TTC21B: variants seen among roughly 807,000 people sequenced by gnomAD.
TTC21B encodes tetratricopeptide repeat protein 21B.
Under a neutral mutation model 175.1 loss-of-function variants are expected in TTC21B, and 127 were observed. The ratio of observed to expected loss-of-function variants is 0.73; its 90% CI spans 0.63 to 0.84. The LOEUF (loss-of-function observed/expected upper bound fraction) is 0.84. Ranked by LOEUF, TTC21B falls within the 40% of genes least tolerant of loss-of-function variation. The pLI, the probability that TTC21B is intolerant of heterozygous loss-of-function variation, is 0.00. For synonymous variants in TTC21B, 524 were observed against 524.5 expected (o/e 1.00, Z 0.01); for missense variants, 1,561 against 1,558.3 (o/e 1.00, Z -0.03).
At chr2:165,890,422 T>G in intron 24 of TTC21B, 57 bp downstream of exon 24, 1 of 1,537,504 alleles carries the variant, frequency 6.5e-7, no homozygotes, top group East Asian at 2.3e-5. Flanking sequence ...ATAGTATCCC[T>G]GTTTATTATC....
intron 25 of TTC21B, among the ~76,000 whole-genome samples, chr2:165,886,688 A>G (rs543963804): frequency 2.0e-5 from 3 of 152,208 alleles, no homozygotes; most frequent in African/African-American, 7.2e-5. Flanking sequence ...AATAGCTGTA[A>G]TATCATTCAC....
chr2:165,886,402 C>G (rs1428906266), intron 25 of TTC21B, among the ~76,000 whole-genome samples: 1 of 152,010 alleles, frequency 6.6e-6, no homozygotes. Flanking sequence ...AAAACGGGAC[C>G]ATACATTATT....
chr2:165,953,558 C>T, intron 1 of TTC21B, 127 bp downstream of exon 1: 4 of 1,468,626 alleles, frequency 2.7e-6, no homozygotes, highest in Non-Finnish European at 3.7e-6. Flanking sequence ...CCCGAGCAGC[C>T]GGGGCACCGC....
At chr2:165,899,620 T>C (rs959663715) in intron 21 of TTC21B, 150 bp downstream of exon 21, 5 of 683,690 alleles carry the variant, frequency 7.3e-6, no homozygotes, top group South Asian at 1.6e-5. Flanking sequence ...TGGGTCTTTA[T>C]TGGTAAAATG....
intron 22 of TTC21B, among the ~76,000 whole-genome samples, chr2:165,891,432 A>G (rs1685188578): frequency 6.6e-6 from 1 of 152,164 alleles, no homozygotes; most frequent in African/African-American, 2.4e-5. Flanking sequence ...CAAATAATGT[A>G]TGGGATGGAC....
At chr2:165,906,752 C>A (rs1194299817) in intron 19 of TTC21B, among the ~76,000 whole-genome samples, 5 of 151,910 alleles carry the variant, frequency 3.3e-5, no homozygotes, top group African/African-American at 1.2e-4. Context: ...TTGAGACCAG[C>A]CTGACCAACA....
chr2:165,905,866 TACAGTAATGTTAGAA>T (rs141413141), intron 19 of TTC21B, among the ~76,000 whole-genome samples: 50,307 of 151,974 alleles, frequency 0.33, 8,629 homozygotes, highest in Non-Finnish European at 0.39. Context: ...TAATTGTGGT[TACAGTAATGTTAGAA>T]ACACATTATT....
At chr2:165,914,676 T>TGTGTGTGTGTGTGTGTGTGCGCGCGCGC (rs1553511310) in intron 15 of TTC21B, among the ~76,000 whole-genome samples, 3 of 118,380 alleles carry the variant, frequency 2.5e-5, no homozygotes, top group African/African-American at 1.2e-4. Context: ...TGTGTGTGTG[T>TGTGTGTGTGTGTGTGTGTGCGCGCGCGC]GTGTGTGTGT....
At chr2:165,946,128 A>T (rs1167161647) in intron 3 of TTC21B, among the ~76,000 whole-genome samples, 1 of 149,616 alleles carries the variant, frequency 6.7e-6, no homozygotes, top group African/African-American at 2.5e-5. Context: ...GATCGAGACC[A>T]TCCTGGCTAG....
intron 6 of TTC21B, among the ~76,000 whole-genome samples, chr2:165,937,971 T>C (rs1687220388): frequency 6.6e-6 from 1 of 152,066 alleles, no homozygotes; most frequent in African/African-American, 2.4e-5. Flanking sequence ...ATACACAAAA[T>C]GAGCCTGGAC....
At chr2:165,930,690 T>A (rs1396548058) in intron 8 of TTC21B, among the ~76,000 whole-genome samples, 1 of 120,824 alleles carries the variant, frequency 8.3e-6, no homozygotes, top group Non-Finnish European at 2.0e-5. Flanking sequence ...GTTTTACAGA[T>A]TAAACAGGAA....
At chr2:165,891,801 A>G (rs1405879090) in intron 22 of TTC21B, among the ~76,000 whole-genome samples, 1 of 140 alleles carries the variant, frequency 7.1e-3, no homozygotes, top group Non-Finnish European at 0.5. Flanking sequence ...AAGTATGAAG[A>G]AAAAAAAAAT....
At position 165,915,218 on chromosome 2, in the gene TTC21B, T is replaced by C. The variant is rs778283781; in HGVS notation, c.2121A>G (p.Leu707=). Residue 707 remains leucine (L), a synonymous_variant, in exon 15 of 29, where the codon TTA becomes TTG. Coordinates refer to ENST00000243344, the MANE Select transcript of TTC21B (RefSeq NM_024753.5). ...TTACTTACCTAAAACAAGTGATATATAACATTTTATCTTTTCTGTGCTTCA... is the reference window on the plus strand; with the variant it reads ...TTACTTACCTAAAACAAGTGATATACAACATTTTATCTTTTCTGTGCTTCA... ...IYLKHRKDKM[L]YITCFREIAE... 1.9e-6 allele frequency: 3 copies of C among 1,612,922 alleles called. No individual in the cohort carries two copies. The Admixed American group carries it at 5.0e-5, about 27-fold the overall frequency.
At chr2:165,948,401 GCA>G (rs1687653816) in intron 3 of TTC21B, 2 of 152,020 alleles carry the variant, frequency 1.3e-5, no homozygotes, top group South Asian at 4.1e-4. Context: ...ACTGTATTAG[GCA>G]CAGTTTCTTG....
Position 165,930,235 on chromosome 2 carries a change from CTT to C in TTC21B, c.1022_1023del (p.Lys341ArgfsTer7), listed in dbSNP as rs767534228. The C allele has an allele frequency of 1.2e-6, 2 of 1,613,194 alleles. No individual in the cohort carries two copies. On this transcript the variant is annotated frameshift_variant, in exon 9 of 29. Coordinates refer to ENST00000243344, the MANE Select transcript of TTC21B (RefSeq NM_024753.5). LOFTEE classifies it high-confidence loss of function. ...GCGGTCTTATACCACTTCAGTGCCT[CTT>C]TAACTCTTCCTTGTAAAATCATTTG... ...GYQMILQGRVKEALKWYKTAM... is the reference protein window; with the variant it reads ...GYQMILQGRVXEALKWYKTAM...
chr2:165,883,691 A>C, intron 26 of TTC21B, 103 bp downstream of exon 26: 1 of 948,032 alleles, frequency 1.1e-6, no homozygotes, highest in Non-Finnish European at 1.7e-6. Context: ...ATTTTCAAAA[A>C]TCACACAGGA....
intron 27 of TTC21B, among the ~76,000 whole-genome samples, chr2:165,876,630 A>T (rs1210522235): frequency 6.6e-6 from 1 of 152,250 alleles, no homozygotes; most frequent in African/African-American, 2.4e-5. Flanking sequence ...AGGCAAACTG[A>T]TGCCTACAGT....
chr2:165,895,014 G>A (rs537580263), intron 22 of TTC21B, among the ~76,000 whole-genome samples: 2 of 152,182 alleles, frequency 1.3e-5, no homozygotes, highest in African/African-American at 4.8e-5. Flanking sequence ...AATCTAGGAT[G>A]GTTGGTCATG....
rs746051371 is a variant in TTC21B, at chr2:165,949,703, G to C, written c.43C>G (p.Gln15Glu). ...AATACATGATGGAAATATCTCTCTT[G>C]ACAATAGTAATTAATCAAAGTCTAA... is the stretch of plus-strand genomic sequence containing the variant. The part of the protein sequence containing the change: ...ELKTLINYYC[Q>E]ERYFHHVLLV... The change falls in exon 2 of 29, where the codon CAA becomes GAA. Residue 15 changes from glutamine to glutamate, a missense_variant. Coordinates refer to ENST00000243344, the MANE Select transcript of TTC21B (RefSeq NM_024753.5). 1 of 1,611,520 alleles carries C rather than the reference G, an allele frequency of 6.2e-7. No individual in the cohort carries two copies. Among genetic ancestry groups the C allele is most frequent in the Non-Finnish European group, 8.5e-7 (1 of 1,178,446 alleles).
Sources: gnomAD v4.1 joint callset for allele counts (sites outside exome capture counted in the v4.1 genomes callset) on GRCh38, gnomAD v4.1.1 for gene constraint, MANE v1.5 for transcripts, NCBI Gene and HGNC (gene_info 2026-07-23, HGNC 2026-07-21) for gene names.